Variants in TENM2 observed in about 807,000 individuals in gnomAD.
TENM2 encodes teneurin transmembrane protein 2.
TENM2 carries 52 observed loss-of-function variants against 245.2 expected under a neutral mutation model. That is an observed-to-expected ratio of 0.21 (90% CI 0.17 to 0.27). TENM2 has a LOEUF of 0.27. Ranked by LOEUF, TENM2 falls within the 10% of genes least tolerant of loss-of-function variation. The probability of loss-of-function intolerance (pLI) is 1.00; values close to 1 mark genes in which losing one functional copy is unlikely to be tolerated. For synonymous variants in TENM2, 1,363 were observed against 1,438.9 expected, an observed-to-expected ratio of 0.95 and a Z score of 1.19; for missense variants, 3,046 against 3,666.8, an observed-to-expected ratio of 0.83 and a Z score of 4.37.
chr5:167,592,621 C>T (rs1286494043), intron 2 of TENM2, among the ~76,000 whole-genome samples: 1 of 152,150 alleles, frequency 6.6e-6, no homozygotes, highest in African/African-American at 2.4e-5. Context: ...CGATTTCATT[C>T]TGCCTGTCTC....
At chr5:168,071,054 CAGA>C (rs1278111888) in intron 7 of TENM2, among the ~76,000 whole-genome samples, 6 of 152,128 alleles carry the variant, frequency 3.9e-5, no homozygotes, top group Non-Finnish European at 7.3e-5. Flanking sequence ...AGAGCCTGGG[CAGA>C]AGGAGTGTAG....
At chr5:167,767,371 C>T (rs1763103725) in intron 2 of TENM2, among the ~76,000 whole-genome samples, 1 of 152,090 alleles carries the variant, frequency 6.6e-6, no homozygotes. Context: ...ATAGAAGATA[C>T]AATGGTGGTT....
intron 2 of TENM2, among the ~76,000 whole-genome samples, chr5:167,552,872 T>A (rs1209737873): frequency 6.6e-6 from 1 of 152,214 alleles, no homozygotes; most frequent in East Asian, 1.9e-4. Context: ...AAACACCTAC[T>A]AGCTGCCAGA....
rs555111359 is a variant in TENM2, at chr5:167,468,976, T to C, written c.502+93503T>C. 1.4e-3 allele frequency among the ~76,000 whole-genome samples: 211 copies of C among 152,334 alleles called. 1 individual carries two copies. Among genetic ancestry groups the C allele is most frequent in the Non-Finnish European group, 2.4e-3 (163 of 68,000 alleles). Reference sequence around the variant, plus strand: ...ATGCCACTTGTAAACATCTCTGTCTTCCTGAATAATGTGTAATTAAGTGTA... The same window carrying C: ...ATGCCACTTGTAAACATCTCTGTCTCCCTGAATAATGTGTAATTAAGTGTA... On this transcript the variant is annotated intron_variant, in intron 2 of 28. Transcript: ENST00000518659.
chr5:167,778,995 G>C (rs1234700984), intron 2 of TENM2, among the ~76,000 whole-genome samples: 1 of 152,216 alleles, frequency 6.6e-6, no homozygotes, highest in Non-Finnish European at 1.5e-5. Flanking sequence ...ATATCAGGCT[G>C]TCACCCAGAG....
chr5:168,238,285 A>G (rs1029051580), intron 25 of TENM2, among the ~76,000 whole-genome samples: 1 of 151,378 alleles, frequency 6.6e-6, no homozygotes. Flanking sequence ...AAAAGAAAAG[A>G]AAAGAAAAGA....
chr5:167,874,575 C>G (rs1773258334), intron 2 of TENM2, among the ~76,000 whole-genome samples: 1 of 152,140 alleles, frequency 6.6e-6, no homozygotes, highest in African/African-American at 2.4e-5. Context: ...CCTTCCACAC[C>G]CCCAGATTTA....
chr5:167,246,306 T>C, the TENM2 span, among the ~76,000 whole-genome samples: 2 of 152,130 alleles, frequency 1.3e-5, no homozygotes, highest in Non-Finnish European at 2.9e-5. Flanking sequence ...TGTATGTGTA[T>C]GTGTGTGCAT....
chr5:167,675,486 T>C (rs1035357448), intron 2 of TENM2, among the ~76,000 whole-genome samples: 1 of 152,132 alleles, frequency 6.6e-6, no homozygotes. Flanking sequence ...AACGACTTGT[T>C]ATTGCTATGT....
chr5:168,205,769 G>A lies in TENM2; in HGVS notation c.3824+1148G>A, dbSNP rs75609171. ...CTAACCACTTAGACAAGAGTACATT[G>A]TATTGCAATGAACAAGCAATGGAGG... is the stretch of plus-strand genomic sequence containing the variant. On this transcript the variant is annotated intron_variant, in intron 19 of 28. Coordinates refer to ENST00000518659, the Ensembl canonical transcript of TENM2. Among the ~76,000 whole-genome samples, 391 of 152,306 alleles carry A rather than the reference G, an allele frequency of 2.6e-3. 1 individual carries two copies. Among genetic ancestry groups the A allele is most frequent in the Non-Finnish European group, 4.7e-3 (319 of 68,026 alleles).
chr5:167,905,338 G>C (rs960621022), intron 3 of TENM2, among the ~76,000 whole-genome samples: 1 of 152,180 alleles, frequency 6.6e-6, no homozygotes, highest in South Asian at 2.1e-4. Flanking sequence ...GAGTTACCAC[G>C]AATGAATCTT....
the TENM2 span, among the ~76,000 whole-genome samples, chr5:167,161,776 C>T: frequency 1.4e-4 from 22 of 152,142 alleles, no homozygotes; most frequent in African/African-American, 5.1e-4. Context: ...TATGGTCGAT[C>T]TTGCAAGAGC....
At chr5:168,094,591 C>T (rs562917220) in intron 8 of TENM2, among the ~76,000 whole-genome samples, 3 of 152,016 alleles carry the variant, frequency 2.0e-5, no homozygotes, top group South Asian at 4.2e-4. Flanking sequence ...ACCCTAGGGC[C>T]GCAGATCAGT....
chr5:167,937,432 G>A (rs981292313), intron 3 of TENM2, among the ~76,000 whole-genome samples: 1 of 152,110 alleles, frequency 6.6e-6, no homozygotes, highest in Admixed American at 6.5e-5. Flanking sequence ...GTAACATCAC[G>A]GGAAACTGGC....
At chr5:167,294,245 G>C (rs1026025565) in intron 1 of TENM2, 1 of 152,180 alleles carries the variant, frequency 6.6e-6, no homozygotes, top group African/African-American at 2.4e-5. Context: ...ATAGGTAACT[G>C]TCAACCTTTT....
chr5:168,117,342 G>A (rs980697567), intron 9 of TENM2, among the ~76,000 whole-genome samples: 1 of 152,040 alleles, frequency 6.6e-6, no homozygotes, highest in Non-Finnish European at 1.5e-5. Context: ...CACTTTGAAG[G>A]AGGCACAATG....
chr5:168,079,599 A>G (rs980563728), intron 7 of TENM2, among the ~76,000 whole-genome samples: 2 of 151,758 alleles, frequency 1.3e-5, no homozygotes, highest in Admixed American at 6.6e-5. Flanking sequence ...TTTGAGATAC[A>G]TCCCATCAAT....
At chr5:167,457,647 G>T (rs1470573672) in intron 2 of TENM2, among the ~76,000 whole-genome samples, 1 of 151,934 alleles carries the variant, frequency 6.6e-6, no homozygotes, top group Non-Finnish European at 1.5e-5. Context: ...CGCCCGACCA[G>T]CCTTCTGCTT....
chr5:167,139,560 A>G, the TENM2 span, among the ~76,000 whole-genome samples: 1 of 152,220 alleles, frequency 6.6e-6, no homozygotes, highest in Non-Finnish European at 1.5e-5. Flanking sequence ...GGTCTTGGTA[A>G]AATAAATTGT....
Sources: allele counts gnomAD v4.1 joint callset (sites outside exome capture counted in the v4.1 genomes callset), GRCh38; gene constraint gnomAD v4.1.1; transcripts MANE v1.5; gene names NCBI Gene and HGNC (gene_info 2026-07-23, HGNC 2026-07-21).